Variants in ANXA8 observed in about 807,000 individuals in gnomAD.
The protein encoded by ANXA8 is VAC-beta.
ANXA8 carries 9 observed loss-of-function variants against 26.8 expected under a neutral mutation model. That is an observed-to-expected ratio of 0.34 (90% CI 0.20 to 0.59). The LOEUF (loss-of-function observed/expected upper bound fraction) is 0.59, where lower values mean the gene tolerates loss of function less well. Ranked by LOEUF, ANXA8 falls within the 20% of genes least tolerant of loss-of-function variation. The probability of loss-of-function intolerance (pLI) is 0.84; values close to 1 mark genes in which losing one functional copy is unlikely to be tolerated. For synonymous variants in ANXA8, 39 were observed against 94.8 expected (o/e 0.41, Z 3.42); for missense variants, 83 against 238.5 (o/e 0.35, Z 4.29).
chr10:47,940,902 G>A, the ANXA8 span, among the ~76,000 whole-genome samples: 1 of 142,398 alleles, frequency 7.0e-6, no homozygotes, highest in South Asian at 2.3e-4. Context: ...GAGAAAGAGA[G>A]GGAGAGAGAG....
At chr10:47,480,822 A>G (rs1391086016) in intron 1 of ANXA8, among the ~76,000 whole-genome samples, 4 of 99,796 alleles carry the variant, frequency 4.0e-5, no homozygotes, top group Non-Finnish European at 8.1e-5. Flanking sequence ...TACCACATCC[A>G]TCCATCCATC....
At chr10:47,988,955 C>T in the ANXA8 span, among the ~76,000 whole-genome samples, 6 of 151,724 alleles carry the variant, frequency 4.0e-5, no homozygotes, top group East Asian at 1.9e-4. Flanking sequence ...TGTGGAGTCA[C>T]GCTCTGCTAT....
At chr10:47,502,993 G>A in the ANXA8 span, 6 of 1,563,278 alleles carry the variant, frequency 3.8e-6, no homozygotes, top group Non-Finnish European at 5.2e-6. Flanking sequence ...GGAGATACCG[G>A]GGCTGAAGCA....
the ANXA8 span, among the ~76,000 whole-genome samples, chr10:47,921,191 G>GT: frequency 1.6e-5 from 2 of 129,014 alleles, no homozygotes; most frequent in African/African-American, 5.6e-5. Flanking sequence ...TGCACATGGT[G>GT]GGTAGTAGGA....
At chr10:47,573,907 A>G in the ANXA8 span, among the ~76,000 whole-genome samples, 54 of 148,046 alleles carry the variant, frequency 3.6e-4, no homozygotes, top group Non-Finnish European at 4.6e-4. Flanking sequence ...AAGTTGTCTT[A>G]TACCAGCCCT....
At chr10:47,705,906 C>T in the ANXA8 span, among the ~76,000 whole-genome samples, 4 of 149,668 alleles carry the variant, frequency 2.7e-5, no homozygotes, top group African/African-American at 9.8e-5. Flanking sequence ...TAAAACGTCG[C>T]CCCGACGCAC....
At chr10:47,489,376 A>T in the ANXA8 span, among the ~76,000 whole-genome samples, 12 of 150,808 alleles carry the variant, frequency 8.0e-5, no homozygotes, top group Non-Finnish European at 1.6e-4. Flanking sequence ...TTGTCTTCTT[A>T]TTCCACAGAG....
the ANXA8 span, chr10:47,986,309 T>C: frequency 5.7e-6 from 1 of 176,908 alleles, no homozygotes; most frequent in Non-Finnish European, 1.2e-5. Flanking sequence ...GTGAATAGTT[T>C]ACCCAAGCCT....
chr10:47,500,780 C>A, the ANXA8 span, among the ~76,000 whole-genome samples: 6 of 119,812 alleles, frequency 5.0e-5, no homozygotes, highest in Admixed American at 5.2e-4. Flanking sequence ...GTTGCCCAGG[C>A]CAGAGTGCAG....
At chr10:47,615,944 T>C in the ANXA8 span, among the ~76,000 whole-genome samples, 2 of 73,722 alleles carry the variant, frequency 2.7e-5, no homozygotes, top group East Asian at 2.6e-4. Context: ...TTCCTTATAA[T>C]TGAGTCCCAG....
the ANXA8 span, among the ~76,000 whole-genome samples, chr10:47,943,684 C>T: frequency 6.6e-6 from 1 of 151,636 alleles, no homozygotes; most frequent in Non-Finnish European, 1.5e-5. Context: ...AAGCAGATTT[C>T]TCTCTATAGT....
At chr10:47,743,341 CAT>C in the ANXA8 span, among the ~76,000 whole-genome samples, 27,875 of 51,912 alleles carry the variant, frequency 0.54, 5,907 homozygotes, top group East Asian at 0.74. Flanking sequence ...TATATATATA[CAT>C]ATATATATAT....
intron 8 of ANXA8, 86 bp from the exon 9 acceptor site, chr10:47,474,151 G>T: frequency 3.6e-6 from 2 of 557,318 alleles, no homozygotes; most frequent in Non-Finnish European, 6.3e-6. Flanking sequence ...ACATCAATTT[G>T]CCGCCCTGAC....
the ANXA8 span, among the ~76,000 whole-genome samples, chr10:47,666,066 T>A: frequency 6.6e-6 from 1 of 151,026 alleles, no homozygotes; most frequent in East Asian, 1.9e-4. Flanking sequence ...TTAGGTACAG[T>A]CAGTTCTTCA....
the ANXA8 span, among the ~76,000 whole-genome samples, chr10:47,918,383 G>GAGAGAGAAAGAAAGAA: frequency 1.9e-4 from 2 of 10,500 alleles, no homozygotes; most frequent in Non-Finnish European, 3.1e-4. Context: ...GAGAGAGAGA[G>GAGAGAGAAAGAAAGAA]AGAAAGAAAG....
chr10:47,693,575 C>T, the ANXA8 span, among the ~76,000 whole-genome samples: 1 of 151,944 alleles, frequency 6.6e-6, no homozygotes, highest in African/African-American at 2.4e-5. Flanking sequence ...CAGGCGTGAG[C>T]CACCGCGCCC....
the ANXA8 span, among the ~76,000 whole-genome samples, chr10:47,666,378 G>T: frequency 6.6e-6 from 1 of 150,796 alleles, no homozygotes; most frequent in Non-Finnish European, 1.5e-5. Context: ...AATACTGACA[G>T]CCAGCGTTGC....
chr10:47,585,242 A>G, the ANXA8 span, among the ~76,000 whole-genome samples: 3 of 109,228 alleles, frequency 2.7e-5, no homozygotes. Flanking sequence ...CCAGCCTGAG[A>G]GACATAGCGA....
chr10:47,977,757 T>C, the ANXA8 span, among the ~76,000 whole-genome samples: 107 of 151,658 alleles, frequency 7.1e-4, no homozygotes, highest in African/African-American at 2.4e-3. Flanking sequence ...TATGGGTCAA[T>C]TGAGATTATA....
Sources: allele counts gnomAD v4.1 joint callset (sites outside exome capture counted in the v4.1 genomes callset), GRCh38; gene constraint gnomAD v4.1.1; transcripts MANE v1.5; gene names NCBI Gene and HGNC (gene_info 2026-07-23, HGNC 2026-07-21).